SEZ6: variants seen among roughly 807,000 people sequenced by gnomAD.
SEZ6 encodes seizure related 6 homolog.
A neutral mutation model predicts 101.0 loss-of-function variants in SEZ6; 53 were observed. The ratio of observed to expected loss-of-function variants is 0.52; its 90% confidence interval spans 0.42 to 0.66. The LOEUF (loss-of-function observed/expected upper bound fraction) is 0.66. Among genes scored for constraint, SEZ6 ranks in the 30% least tolerant of loss-of-function variants. SEZ6 has a pLI of 0.00. For missense variants in SEZ6, 1,102 were observed against 1,289.4 expected (o/e 0.85, Z 2.23); for synonymous variants, 488 against 512.2 (o/e 0.95, Z 0.64).
At position 28,959,569 on chromosome 17, in the gene SEZ6, C is replaced by T. The variant is rs2040943063; in HGVS notation, c.1772-97G>A. 1.3e-6 allele frequency: 2 copies of T among 1,554,748 alleles called. No individual in the cohort carries two copies. The highest frequency in any genetic ancestry group is 3.5e-5 in the Admixed American group (2 of 57,094). ...AGTGCCCACAAATTGCTGGGACCCC[C>T]CACCTCCTCCTTGGAGGAAGCCTGA... On this transcript the variant is annotated intron_variant, in intron 8 of 16. Coordinates refer to ENST00000317338, the MANE Select transcript of SEZ6 (RefSeq NM_178860.5). The surrounding 1 kb of genome is among the most constrained non-coding windows in gnomAD (Gnocchi z 4.4).
At chr17:28,974,227 C>T (rs948709932) in intron 3 of SEZ6, among the ~76,000 whole-genome samples, 1 of 152,132 alleles carries the variant, frequency 6.6e-6, no homozygotes, top group African/African-American at 2.4e-5. Flanking sequence ...GTGTGCGATC[C>T]CCACCCCCAG....
At chr17:28,987,252 C>G (rs2041396933) in intron 1 of SEZ6, among the ~76,000 whole-genome samples, 1 of 152,188 alleles carries the variant, frequency 6.6e-6, no homozygotes, top group African/African-American at 2.4e-5. Context: ...TTAGTGAGGG[C>G]CTGGTCCCTG....
rs1354764087 is a variant in SEZ6 at position 28,969,781 on chromosome 17, C to A, written c.1030G>T (p.Gly344Cys). ...FQSLPPPAGP[G>C]TFHFHYQAYL... ...CCTTGGTAATGGAAATGGAAGGTGC[C>A]AGGGCCAGCCGGTGGCGGGAGGCTC... Residue 344 changes from glycine to cysteine, a missense_variant, in exon 4 of 17, where the codon GGC becomes TGC. Coordinates refer to ENST00000317338, the MANE Select transcript of SEZ6 (RefSeq NM_178860.5). The A allele has an allele frequency of 6.6e-7, 1 of 1,506,224 alleles. No individual in the cohort carries two copies. The highest frequency in any genetic ancestry group is 8.8e-7 in the Non-Finnish European group (1 of 1,136,940). 93.3% of individuals were successfully genotyped at this position (1,506,224 alleles called of 1,614,324 possible).
chr17:28,976,536 T>C (rs2041223623), intron 3 of SEZ6, among the ~76,000 whole-genome samples: 1 of 152,126 alleles, frequency 6.6e-6, no homozygotes, highest in African/African-American at 2.4e-5. Flanking sequence ...TTCTCCATGA[T>C]GGAGGGAAGC....
chr17:28,995,172 C>T (rs1372212887), intron 1 of SEZ6, among the ~76,000 whole-genome samples: 4 of 152,204 alleles, frequency 2.6e-5, no homozygotes, highest in African/African-American at 9.7e-5. Context: ...CGCGCCCGGC[C>T]GACTTGTCAC....
chr17:28,967,685 C>T (rs1037921641), intron 4 of SEZ6, among the ~76,000 whole-genome samples: 1 of 152,132 alleles, frequency 6.6e-6, no homozygotes, highest in Admixed American at 6.5e-5. Context: ...TACATCTTCC[C>T]CTTTGAGTTC....
intron 3 of SEZ6, among the ~76,000 whole-genome samples, chr17:28,970,397 A>G (rs953693433): frequency 6.6e-6 from 1 of 152,114 alleles, no homozygotes; most frequent in Non-Finnish European, 1.5e-5. Context: ...CTTCCCCTGG[A>G]CATCCCTGTT....
Position 28,957,176 on chromosome 17 carries a change from T to C in SEZ6, c.2561A>G (p.Gln854Arg), listed in dbSNP as rs61737974. Residue 854 changes from glutamine to arginine, a missense_variant, in exon 13 of 17, where the codon CAG becomes CGG. Around this residue, in one of 3 missense-constraint regions of SEZ6, gnomAD observed 556 missense variants for 735.1 expected, o/e 0.76. Coordinates refer to ENST00000317338, the MANE Select transcript of SEZ6 (RefSeq NM_178860.5). ...PENGARSPEK[Q>R]LHPAGATIHF... ...GATGGTGGCCCCTGCTGGGTGTAGC[T>C]GCTTCTCAGGACTTCGGGCACCATT... The C allele has an allele frequency of 3.0e-3, 4,878 of 1,613,996 alleles. 136 individuals carry two copies. The African/African-American group carries it at 0.057, about 19-fold the overall frequency.
At chr17:29,000,290 C>G (rs1239272474) in intron 1 of SEZ6, among the ~76,000 whole-genome samples, 4 of 152,220 alleles carry the variant, frequency 2.6e-5, no homozygotes, top group South Asian at 4.1e-4. Flanking sequence ...TGGGCAGACA[C>G]TTTGGAGTAG....
chr17:28,999,354 C>T (rs1402825133), intron 1 of SEZ6, among the ~76,000 whole-genome samples: 6 of 152,148 alleles, frequency 3.9e-5, no homozygotes, highest in African/African-American at 1.2e-4. Context: ...CCCCTTCATT[C>T]AGTCCCTGCT....
At chr17:28,969,618 T>G in intron 4 of SEZ6, 139 bp downstream of exon 4, 3 of 775,378 alleles carry the variant, frequency 3.9e-6, no homozygotes, top group Non-Finnish European at 5.7e-6. Context: ...TGTCCAGAGC[T>G]TCACTGGACA....
chr17:28,987,591 T>G (rs942598333), intron 1 of SEZ6, among the ~76,000 whole-genome samples: 1 of 152,164 alleles, frequency 6.6e-6, no homozygotes, highest in African/African-American at 2.4e-5. Context: ...AGCAGGGATG[T>G]GGCTCCTCCA....
intron 7 of SEZ6, chr17:28,960,223 T>C: frequency 1.7e-6 from 1 of 579,282 alleles, no homozygotes; most frequent in Non-Finnish European, 3.1e-6. Context: ...AGCAATTCTT[T>C]CTTAAGGGTT....
chr17:29,006,048 G>T (rs1598221951), upstream of SEZ6: 1 of 429,330 alleles, frequency 2.3e-6, no homozygotes, highest in Middle Eastern at 6.9e-4. Flanking sequence ...AGCGCCTGGC[G>T]ACGGCGCCGG....
At chr17:28,984,733 G>A (rs1449577492) in intron 1 of SEZ6, among the ~76,000 whole-genome samples, 1 of 152,200 alleles carries the variant, frequency 6.6e-6, no homozygotes, top group Non-Finnish European at 1.5e-5. Flanking sequence ...CATTTCTGGG[G>A]AGAGGGCATC....
chr17:28,986,810 T>G (rs2041391252), intron 1 of SEZ6, among the ~76,000 whole-genome samples: 1 of 152,070 alleles, frequency 6.6e-6, no homozygotes, highest in Admixed American at 6.5e-5. Flanking sequence ...ATCTGTGGAG[T>G]GAAGACATAC....
chr17:28,980,594 T>C (rs998631244), intron 2 of SEZ6, among the ~76,000 whole-genome samples: 2 of 151,786 alleles, frequency 1.3e-5, no homozygotes, highest in Non-Finnish European at 2.9e-5. Flanking sequence ...GTGGTCTCGA[T>C]CTCCTGACCT....
chr17:28,956,830 G>C lies in SEZ6; in HGVS notation c.2693-73C>G, dbSNP rs187368129. 5.4e-4 allele frequency: 817 copies of C among 1,502,698 alleles called. 6 individuals carry two copies. Among genetic ancestry groups the C allele is most frequent in the Non-Finnish European group, 4.2e-5 (46 of 1,103,288 alleles). The allele number at this position is 1,502,698 out of a possible 1,614,324, so 93.1% of individuals were successfully genotyped here. A position where few individuals can be genotyped will look rare whatever the true frequency, so the allele number is the denominator to read the frequency against. On this transcript the variant is annotated intron_variant, in intron 13 of 16. Coordinates refer to ENST00000317338, the MANE Select transcript of SEZ6 (RefSeq NM_178860.5). ...CAAACCACTAAGGCAGGGAGAGGAGGTAGTGGGATGATCATGGGAAGGATT... is the reference window on the plus strand; with the variant it reads ...CAAACCACTAAGGCAGGGAGAGGAGCTAGTGGGATGATCATGGGAAGGATT...
chr17:28,973,192 T>C (rs1392800310), intron 3 of SEZ6, among the ~76,000 whole-genome samples: 1 of 152,112 alleles, frequency 6.6e-6, no homozygotes, highest in Non-Finnish European at 1.5e-5. Flanking sequence ...TAACAGAGGC[T>C]CAGAGAAGCT....
Sources: gnomAD v4.1 joint callset for allele counts (sites outside exome capture counted in the v4.1 genomes callset) on GRCh38, gnomAD v4.1.1 for gene constraint, gnomAD v4.1.1 regional missense constraint, Gnocchi (gnomAD v3.1) non-coding constraint, MANE v1.5 for transcripts, NCBI Gene and HGNC (gene_info 2026-07-23, HGNC 2026-07-21) for gene names.